SHISA7: variants seen among roughly 807,000 people sequenced by gnomAD.
The protein encoded by SHISA7 is shisa family member 7.
Under a neutral mutation model 23.9 loss-of-function variants are expected in SHISA7, and 6 were observed. The ratio of observed to expected loss-of-function variants is 0.25; its 90% confidence interval spans 0.14 to 0.50. The LOEUF (loss-of-function observed/expected upper bound fraction) is 0.50. SHISA7 is among the 20% of genes least tolerant of loss of function. The pLI, the probability that SHISA7 is intolerant of heterozygous loss-of-function variation, is 0.98. For missense variants in SHISA7, 671 were observed against 801.1 expected (o/e 0.84, Z 1.96); for synonymous variants, 386 against 398.3 (o/e 0.97, Z 0.37).
In SHISA7 at chr19:55,433,195, C is replaced by T; in HGVS notation, c.1578G>A (p.Gln526=). The T allele has an allele frequency of 6.5e-7, 1 of 1,529,556 alleles. No individual in the cohort carries two copies. The highest frequency in any genetic ancestry group is 8.7e-7 in the Non-Finnish European group (1 of 1,143,276). The allele number at this position is 1,529,556 out of a possible 1,614,324, so 94.7% of individuals were successfully genotyped here. A position where few individuals can be genotyped will look rare whatever the true frequency, so the allele number is the denominator to read the frequency against. The change falls in exon 4 of 4, where the codon CAG becomes CAA. Residue 526 remains glutamine (Q), a synonymous_variant. Coordinates refer to ENST00000376325, the MANE Select transcript of SHISA7 (RefSeq NM_001145176.2). This position sits in a 1 kb window ranked among gnomAD's most constrained non-coding sequence, Gnocchi z 8.4. The part of the protein sequence containing the change: ...LQFIPGHHLP[Q]HLRTASKNEV... ...CGTTCTTGCTGGCCGTGCGCAGGTG[C>T]TGGGGCAGGTGGTGGCCCGGGATGA...
intron 3 of SHISA7, among the ~76,000 whole-genome samples, chr19:55,437,323 T>C (rs991712687): frequency 6.6e-5 from 10 of 152,160 alleles, no homozygotes; most frequent in African/African-American, 2.4e-4. Flanking sequence ...CAACATGTTT[T>C]TTTCCTTTAG....
In SHISA7 at chr19:55,429,060, T is replaced by C. The variant is rs1269167634; in HGVS notation, c.*4096A>G. 1 of 152,198 alleles carries C rather than the reference T, an allele frequency of 6.6e-6. No individual in the cohort carries two copies. Among genetic ancestry groups the C allele is most frequent in the Non-Finnish European group, 1.5e-5 (1 of 68,136 alleles). The allele number at this position is 152,198 out of a possible 1,614,324, so 9.4% of individuals were successfully genotyped here. A position where few individuals can be genotyped will look rare whatever the true frequency, so the allele number is the denominator to read the frequency against. On this transcript the variant is annotated 3_prime_UTR_variant, in exon 4 of 4. Transcript: ENST00000376325. ...GATGACGAGGTCCCAGCTCAAGACA[T>C]GTGGAGGGGAATTGTCAGTACACAC...
Position 55,430,561 on chromosome 19 carries a change from G to A in SHISA7, c.*2595C>T, listed in dbSNP as rs986620614. 2.0e-5 allele frequency: 3 copies of A among 151,734 alleles called. No individual in the cohort carries two copies. In the East Asian group the frequency reaches 5.8e-4, roughly 29 times the overall value. The allele number at this position is 151,734 out of a possible 1,614,324, so 9.4% of individuals were successfully genotyped here. A position where few individuals can be genotyped will look rare whatever the true frequency, so the allele number is the denominator to read the frequency against. On this transcript the variant is annotated 3_prime_UTR_variant, in exon 4 of 4. Coordinates refer to ENST00000376325, the MANE Select transcript of SHISA7 (RefSeq NM_001145176.2). ...GGGAGATGATAACACCAGGGTCATG[G>A]TGGATCCTAATAGATGGTGACAACA...
At chr19:55,435,697 G>A (rs1353443872) in intron 3 of SHISA7, among the ~76,000 whole-genome samples, 2 of 149,600 alleles carry the variant, frequency 1.3e-5, no homozygotes, top group African/African-American at 4.9e-5. Flanking sequence ...CCAGAAAGTT[G>A]AGCCTGCAGT....
chr19:55,435,395 G>GGTGTATA (rs1568451303), intron 3 of SHISA7, among the ~76,000 whole-genome samples: 165 of 115,864 alleles, frequency 1.4e-3, no homozygotes, highest in African/African-American at 4.1e-3. Flanking sequence ...TGGTGTGTGT[G>GGTGTATA]TGTGGGTGTG....
Position 55,432,845 on chromosome 19 carries a change from T to C in SHISA7, c.*311A>G. The C allele has an allele frequency of 3.1e-6, 1 of 325,328 alleles. No homozygotes were observed. The highest frequency in any genetic ancestry group is 5.7e-6 in the Non-Finnish European group (1 of 176,818). The allele number at this position is 325,328 out of a possible 1,614,324, so 20.2% of individuals were successfully genotyped here. A position where few individuals can be genotyped will look rare whatever the true frequency, so the allele number is the denominator to read the frequency against. On this transcript the variant is annotated 3_prime_UTR_variant, in exon 4 of 4. Coordinates refer to ENST00000376325, the MANE Select transcript of SHISA7 (RefSeq NM_001145176.2). The surrounding 1 kb of genome is among the most constrained non-coding windows in gnomAD (Gnocchi z 4.6). ...GACCTCACGGGCCGGCCTCTTCCTC[T>C]GTGATGACCTCATGGGAACGAGGCT...
chr19:55,434,521 GGTT>G (rs746052348), intron 3 of SHISA7, among the ~76,000 whole-genome samples: 12 of 131,660 alleles, frequency 9.1e-5, no homozygotes, highest in Non-Finnish European at 1.5e-4. Flanking sequence ...GTGTGTGTGT[GGTT>G]GTGTGGTGTG....
rs1307429584 is a variant in SHISA7, at chr19:55,433,696, G to A, written c.1077C>T (p.Gly359=). The A allele has an allele frequency of 2.7e-6, 4 of 1,478,430 alleles. No individual in the cohort carries two copies. Among genetic ancestry groups the A allele is most frequent in the Admixed American group, 2.4e-5 (1 of 41,586 alleles). 91.6% of individuals were successfully genotyped at this position (1,478,430 alleles called of 1,614,324 possible). A position where few individuals can be genotyped will look rare whatever the true frequency, so the allele number is the denominator to read the frequency against. ...LHALRRPGTG[G]GYRMEAWGGP... The stretch of plus-strand genomic sequence containing the variant: ...CGCCCCAGGCCTCCATGCGATAGCC[G>A]CCCCCCGTGCCCGGCCGCCGCAGCG... Residue 359 remains glycine (G), a synonymous_variant, in exon 4 of 4, where the codon GGC becomes GGT. Transcript: ENST00000376325. The surrounding 1 kb of genome is among the most constrained non-coding windows in gnomAD (Gnocchi z 8.4).
intron 3 of SHISA7, among the ~76,000 whole-genome samples, chr19:55,434,814 GGTGT>G (rs1227212602): frequency 1.1e-5 from 1 of 91,850 alleles, no homozygotes; most frequent in Non-Finnish European, 2.1e-5. Context: ...GTGTGTGCAT[GGTGT>G]GTATGTGTGT....
Position 55,433,118 on chromosome 19 carries a change from G to T in SHISA7, c.*38C>A, listed in dbSNP as rs1036073642. 2.7e-6 allele frequency: 4 copies of T among 1,495,694 alleles called. No individual in the cohort carries two copies. The highest frequency in any genetic ancestry group is 2.8e-5 in the East Asian group (1 of 35,884). 92.7% of individuals were successfully genotyped at this position (1,495,694 alleles called of 1,614,324 possible). A position where few individuals can be genotyped will look rare whatever the true frequency, so the allele number is the denominator to read the frequency against. The stretch of plus-strand genomic sequence containing the variant: ...CGGGGGATCCAGGCTGGGACGGGGG[G>T]CCCGGGAGGCCGCAGCCCCCCAGAC... On this transcript the variant is annotated 3_prime_UTR_variant, in exon 4 of 4. Transcript: ENST00000376325. This position sits in a 1 kb window ranked among gnomAD's most constrained non-coding sequence, Gnocchi z 8.4.
intron 3 of SHISA7, among the ~76,000 whole-genome samples, chr19:55,434,825 GT>G: frequency 1.3e-5 from 1 of 75,000 alleles, no homozygotes; most frequent in African/African-American, 5.3e-5. Flanking sequence ...GTGTGTATGT[GT>G]GTGTGGTGTG....
chr19:55,431,469 T>C lies in SHISA7; in HGVS notation c.*1687A>G, dbSNP rs1477411653. On this transcript the variant is annotated 3_prime_UTR_variant, in exon 4 of 4. Transcript: ENST00000376325. ...GGTTGTGAGGAATCATGGAGGATGG[T>C]GACACCATTGGCTATGGGGAGTCTT... The C allele has an allele frequency of 2.0e-5, 3 of 152,128 alleles. No homozygotes were observed. Among genetic ancestry groups the C allele is most frequent in the Non-Finnish European group, 4.4e-5 (3 of 68,018 alleles). The allele number at this position is 152,128 out of a possible 1,614,324, so 9.4% of individuals were successfully genotyped here.
chr19:55,434,838 G>GGT (rs1224650316), intron 3 of SHISA7, among the ~76,000 whole-genome samples: 1 of 104,914 alleles, frequency 9.5e-6, no homozygotes, highest in Admixed American at 1.0e-4. Context: ...TGTGGTGTGT[G>GGT]GTGTGTGTGT....
intron 3 of SHISA7, among the ~76,000 whole-genome samples, chr19:55,435,661 G>A (rs1296340872): frequency 1.3e-5 from 2 of 150,878 alleles, no homozygotes; most frequent in Admixed American, 1.3e-4. Context: ...TTACTCGGGA[G>A]GCTGACGTCG....
At chr19:55,435,766 T>A (rs1568451439) in intron 3 of SHISA7, among the ~76,000 whole-genome samples, 1 of 130,462 alleles carries the variant, frequency 7.7e-6, no homozygotes, top group Non-Finnish European at 1.7e-5. Context: ...CTTGTCTCGT[T>A]AAAAAAAAAA....
chr19:55,440,525 G>T, intron 2 of SHISA7, 86 bp downstream of exon 2: 1 of 1,194,336 alleles, frequency 8.4e-7, no homozygotes, highest in Non-Finnish European at 1.1e-6. Flanking sequence ...GGGCGATGGG[G>T]GTGGAGCCGC....
intron 3 of SHISA7, among the ~76,000 whole-genome samples, chr19:55,435,261 ATG>A (rs1236152941): frequency 5.0e-5 from 4 of 79,536 alleles, no homozygotes; most frequent in African/African-American, 1.0e-4. Context: ...TGTGGTGTGT[ATG>A]TGTGTGCGTG....
chr19:55,433,503 T>C lies in SHISA7; in HGVS notation c.1270A>G (p.Ser424Gly). The C allele has an allele frequency of 6.9e-7, 1 of 1,459,820 alleles. No homozygotes were observed. Among genetic ancestry groups the C allele is most frequent in the Non-Finnish European group, 9.0e-7 (1 of 1,112,754 alleles). The allele number at this position is 1,459,820 out of a possible 1,614,324, so 90.4% of individuals were successfully genotyped here. A position where few individuals can be genotyped will look rare whatever the true frequency, so the allele number is the denominator to read the frequency against. ...LLSSPEALRQ[S>G]REHLLSPPRS... Reference sequence around the variant, plus strand: ...GGGGGCGACAGCAGGTGCTCGCGACTCTGGCGCAGGGCCTCGGGCGAGGAC... The same window carrying C: ...GGGGGCGACAGCAGGTGCTCGCGACCCTGGCGCAGGGCCTCGGGCGAGGAC... Residue 424 changes from serine (S) to glycine (G), a missense_variant, in exon 4 of 4, where the codon AGT (serine) becomes GGT (glycine). Physicochemically the swap from Ser to Gly is moderately conservative, Grantham distance 56. This residue lies in a region of SHISA7 where 457 missense variants were observed against 488.3 expected (regional missense o/e 0.94). Transcript: ENST00000376325. This position sits in a 1 kb window ranked among gnomAD's most constrained non-coding sequence, Gnocchi z 8.4.
intron 2 of SHISA7, 23 bp downstream of exon 2, chr19:55,440,588 G>A (rs1316700279): frequency 1.6e-6 from 2 of 1,249,412 alleles, no homozygotes; most frequent in Admixed American, 4.2e-5. Flanking sequence ...CGGAGGCTGC[G>A]CCGGATCCCA....
Sources: gnomAD v4.1 joint callset for allele counts (sites outside exome capture counted in the v4.1 genomes callset) on GRCh38, gnomAD v4.1.1 for gene constraint, gnomAD v4.1.1 regional missense constraint, Gnocchi (gnomAD v3.1) non-coding constraint, MANE v1.5 for transcripts, NCBI Gene and HGNC (gene_info 2026-07-23, HGNC 2026-07-21) for gene names.